The following ZNF264 variants were observed in gnomAD, a reference collection of about 807,000 sequenced individuals.
ZNF264 encodes the protein zinc finger protein 264.
ZNF264 carries 11 observed loss-of-function variants against 11.2 expected under a neutral mutation model. The observed-to-expected ratio is 0.98, with a 90% CI of 0.62 to 1.63. The LOEUF is 1.63. ZNF264 is among the 40% of genes most tolerant of loss of function. ZNF264 has a pLI of 0.00. For synonymous variants in ZNF264, 309 were observed against 279.8 expected (o/e 1.10, Z -1.04); for missense variants, 752 against 768.1 (o/e 0.98, Z 0.25).
rs550340780 is a variant in ZNF264, at chr19:57,217,054, A to T, written c.*4073A>T. On this transcript the variant is annotated 3_prime_UTR_variant, in exon 4 of 4. Transcript: ENST00000263095. ...TGCCTTCAGAATGCTCAGAAAATTT[A>T]CATTAGCCTGCAGTTGGGCAAAATC... 1 of 152,326 alleles carries T rather than the reference A, an allele frequency of 6.6e-6. No homozygotes were observed. The highest frequency in any genetic ancestry group is 2.1e-4 in the South Asian group (1 of 4,830). The allele number at this position is 152,326 out of a possible 1,614,324, so 9.4% of individuals were successfully genotyped here.
intron 3 of ZNF264, among the ~76,000 whole-genome samples, chr19:57,209,558 C>G (rs768515636): frequency 6.6e-6 from 1 of 152,000 alleles, no homozygotes; most frequent in African/African-American, 2.4e-5. Context: ...TTTTCTTCAT[C>G]TTGATCATGT....
rs2087362569 is a variant in ZNF264 at position 57,214,171 on chromosome 19, T to C, written c.*1190T>C. ...TCTATATAGAAATGTCATCTGCAAATACAGACCATTTTTTATCTTTCATCT... is the reference window on the plus strand; with the variant it reads ...TCTATATAGAAATGTCATCTGCAAACACAGACCATTTTTTATCTTTCATCT... On this transcript the variant is annotated 3_prime_UTR_variant, in exon 4 of 4. Coordinates refer to ENST00000263095, the MANE Select transcript of ZNF264 (RefSeq NM_003417.5). 6.6e-6 allele frequency: 1 copy of C among 152,230 alleles called. No homozygotes were observed. Among genetic ancestry groups the C allele is most frequent in the African/African-American group, 2.4e-5 (1 of 41,452 alleles). The allele number at this position is 152,230 out of a possible 1,614,324, so 9.4% of individuals were successfully genotyped here.
Position 57,205,482 on chromosome 19 carries a change from C to T in ZNF264, c.246C>T (p.Asp82=), listed in dbSNP as rs970290628. 1 of 1,609,928 alleles carries T rather than the reference C, an allele frequency of 6.2e-7. No homozygotes were observed. The highest frequency in any genetic ancestry group is 1.1e-5 in the South Asian group (1 of 89,850). The change falls in exon 3 of 4, where the codon GAC becomes GAT. Residue 82 remains aspartate, a synonymous_variant. Transcript: ENST00000263095. ...CCAGGAAGGAAGACCTCTCCCAAGACACCTGTCCAGGTAGGAGCCAAGATC... is the reference window on the plus strand; with the variant it reads ...CCAGGAAGGAAGACCTCTCCCAAGATACCTGTCCAGGTAGGAGCCAAGATC... ...PWTRKEDLSQ[D]TCPGDKGKPK...
At position 57,212,473 on chromosome 19, in the gene ZNF264, A is replaced by G; in HGVS notation, c.1376A>G (p.Glu459Gly). The change falls in exon 4 of 4, where the codon GAG becomes GGG. Residue 459 changes from glutamate (E) to glycine (G), a missense_variant. Physicochemically the swap from Glu to Gly is moderately conservative, Grantham distance 98 (BLOSUM62 -2). Transcript: ENST00000263095. ...HTGEKPFECK[E>G]CGKAFSNRKD... ...GGAGAAAAGCCTTTCGAGTGCAAAG[A>G]GTGTGGGAAAGCCTTTAGCAATCGG... is the stretch of plus-strand genomic sequence containing the variant. 6.2e-7 allele frequency: 1 copy of G among 1,614,040 alleles called. No individual in the cohort carries two copies. Among genetic ancestry groups the G allele is most frequent in the Non-Finnish European group, 8.5e-7 (1 of 1,180,022 alleles).
At position 57,212,344 on chromosome 19, in the gene ZNF264, G is replaced by A. The variant is rs760815735; in HGVS notation, c.1247G>A (p.Arg416Lys). 5.6e-6 allele frequency: 9 copies of A among 1,608,280 alleles called. No homozygotes were observed. Among genetic ancestry groups the A allele is most frequent in the Admixed American group, 3.4e-5 (2 of 59,422 alleles). The change falls in exon 4 of 4, where the codon AGG becomes AAG. Residue 416 changes from arginine to lysine, a missense_variant. Physicochemically the swap from Arg to Lys is conservative, Grantham distance 26. Coordinates refer to ENST00000263095, the MANE Select transcript of ZNF264 (RefSeq NM_003417.5). ...KAFNHRSYLK[R>K]HQRIHTGEKP... is the part of the protein sequence containing the mutation. ...TTCAACCACCGATCCTACCTCAAGA[G>A]GCACCAGCGGATTCACACTGGGGAG... is the stretch of plus-strand genomic sequence containing the variant.
chr19:57,211,638 A>T lies in ZNF264; in HGVS notation c.541A>T (p.Arg181Ter), dbSNP rs200878596. Residue 181 changes from arginine to a stop codon, truncating the protein, a stop_gained, in exon 4 of 4, where the codon AGA (arginine) becomes TGA (stop). Transcript: ENST00000263095. LOFTEE classifies it low-confidence loss of function (END_TRUNC). ...ACAGGAGCAAGTCTCTCCAGGAGAT[A>T]GAGTCCGTAGCCATAACTCATGTGA... ...IGQEQVSPGD[R>*]VRSHNSCESG... The T allele has an allele frequency of 1.3e-5, 21 of 1,614,070 alleles. No homozygotes were observed. Among genetic ancestry groups the T allele is most frequent in the Non-Finnish European group, 1.7e-6 (2 of 1,180,038 alleles).
In ZNF264 at chr19:57,197,270, C is replaced by A. The variant is rs998539006; in HGVS notation, c.160+3269C>A. Among the ~76,000 whole-genome samples, 16 of 151,812 alleles carry A rather than the reference C, an allele frequency of 1.1e-4. 1 individual carries two copies. The highest frequency in any genetic ancestry group is 3.6e-4 in the African/African-American group (15 of 41,138). ...ACCACTTTCATCTGATGATGGAATG[C>A]TGCTGTGCGTGACCCACTTGATGGC... On this transcript the variant is annotated intron_variant, in intron 2 of 3. Coordinates refer to ENST00000263095, the MANE Select transcript of ZNF264 (RefSeq NM_003417.5).
intron 1 of ZNF264, 25 bp from the exon 2 acceptor site, chr19:57,193,849 AC>A (rs759397487): frequency 6.2e-7 from 1 of 1,612,788 alleles, no homozygotes; most frequent in South Asian, 1.1e-5. Flanking sequence ...AAAGGCCAAT[AC>A]TACTAATTCT....
In ZNF264 at chr19:57,205,442, G is replaced by T. The variant is rs200020176; in HGVS notation, c.206G>T (p.Gly69Val). ...KAELICHLEH[G>V]QEPWTRKEDL... ...GAGCTGATCTGCCACCTAGAGCATG[G>T]GCAGGAGCCATGGACCAGGAAGGAA... is the stretch of plus-strand genomic sequence containing the variant. Residue 69 changes from glycine (G) to valine (V), a missense_variant, in exon 3 of 4, where the codon GGG becomes GTG. Physicochemically the swap from Gly to Val is moderately radical, Grantham distance 109. Coordinates refer to ENST00000263095, the MANE Select transcript of ZNF264 (RefSeq NM_003417.5). 2 of 1,604,962 alleles carry T rather than the reference G, an allele frequency of 1.2e-6. No homozygotes were observed. The highest frequency in any genetic ancestry group is 1.1e-5 in the South Asian group (1 of 89,904).
At chr19:57,198,433 T>C (rs991539737) in intron 2 of ZNF264, among the ~76,000 whole-genome samples, 1 of 151,936 alleles carries the variant, frequency 6.6e-6, no homozygotes, top group African/African-American at 2.4e-5. Flanking sequence ...TTTACTATTT[T>C]TCTAGGTAGA....
At position 57,212,376 on chromosome 19, in the gene ZNF264, T is replaced by G; in HGVS notation, c.1279T>G (p.Phe427Val). 1 of 1,614,066 alleles carries G rather than the reference T, an allele frequency of 6.2e-7. No individual in the cohort carries two copies. Among genetic ancestry groups the G allele is most frequent in the Non-Finnish European group, 8.5e-7 (1 of 1,180,018 alleles). ...GCGGATTCACACTGGGGAGAAGCCC[T>G]TCGTGTGCAGTGAATGTGGAAAGGC... ...HQRIHTGEKP[F>V]VCSECGKAFT... The change falls in exon 4 of 4, where the codon TTC becomes GTC. Residue 427 changes from phenylalanine to valine, a missense_variant. By Grantham distance (50) the Phe-to-Val change is conservative. Coordinates refer to ENST00000263095, the MANE Select transcript of ZNF264 (RefSeq NM_003417.5).
At chr19:57,206,252 T>A (rs1327696728) in intron 3 of ZNF264, among the ~76,000 whole-genome samples, 1 of 150,798 alleles carries the variant, frequency 6.6e-6, no homozygotes, top group African/African-American at 2.4e-5. Context: ...TTAGAAATCT[T>A]TTTTTTTTTG....
chr19:57,209,861 G>A (rs1179435656), intron 3 of ZNF264, among the ~76,000 whole-genome samples: 1 of 152,000 alleles, frequency 6.6e-6, no homozygotes, highest in Non-Finnish European at 1.5e-5. Flanking sequence ...GCCTCCCAAA[G>A]CACTAGGATT....
chr19:57,206,329 C>A lies in ZNF264; in HGVS notation c.256+837C>A, dbSNP rs746753988. ...CACAGTCTCGGCTCACTGCAAGCTC[C>A]GCCTCCCGGGTTCACGCCATTCTCC... is the stretch of plus-strand genomic sequence containing the variant. On this transcript the variant is annotated intron_variant, in intron 3 of 3. Transcript: ENST00000263095. 1.2e-3 allele frequency among the ~76,000 whole-genome samples: 188 copies of A among 152,192 alleles called. 1 individual carries two copies. The highest frequency in any genetic ancestry group is 2.1e-3 in the Non-Finnish European group (141 of 67,994).
intron 2 of ZNF264, among the ~76,000 whole-genome samples, chr19:57,204,204 C>T (rs963273490): frequency 5.0e-5 from 7 of 140,116 alleles, no homozygotes; most frequent in Admixed American, 3.8e-4. Context: ...GGCGACAGAG[C>T]GAGACTCCGT....
intron 2 of ZNF264, 34 bp from the exon 3 acceptor site, chr19:57,205,363 C>T (rs1014188220): frequency 1.3e-6 from 2 of 1,574,246 alleles, no homozygotes; most frequent in Admixed American, 1.8e-5. Context: ...TTTTCACCCA[C>T]ATCCATGTGT....
intron 2 of ZNF264, 104 bp downstream of exon 2, chr19:57,194,105 C>A: frequency 6.8e-7 from 1 of 1,469,298 alleles, no homozygotes; most frequent in Non-Finnish European, 9.1e-7. Context: ...TAGAATCTAC[C>A]TTGCCTCTTT....
In ZNF264 at chr19:57,214,401, T is replaced by C. The variant is rs1350736839; in HGVS notation, c.*1420T>C. The C allele has an allele frequency of 1.3e-5, 2 of 152,578 alleles. No homozygotes were observed. The highest frequency in any genetic ancestry group is 2.1e-4 in the South Asian group (1 of 4,822). The allele number at this position is 152,578 out of a possible 1,614,324, so 9.5% of individuals were successfully genotyped here. A position where few individuals can be genotyped will look rare whatever the true frequency, so the allele number is the denominator to read the frequency against. On this transcript the variant is annotated 3_prime_UTR_variant, in exon 4 of 4. Transcript: ENST00000263095. Reference sequence around the variant, plus strand: ...CTCTGTCACCCAGGCTGGAGTGCAGTGGCACGATCTTGTCTCACCATAGCC... The same window carrying C: ...CTCTGTCACCCAGGCTGGAGTGCAGCGGCACGATCTTGTCTCACCATAGCC...
intron 1 of ZNF264, 98 bp downstream of exon 1, chr19:57,192,044 G>T: frequency 8.4e-7 from 1 of 1,184,560 alleles, no homozygotes. Flanking sequence ...ATTTGTCTTC[G>T]CAGTCGTCGT....
Sources: allele counts gnomAD v4.1 joint callset (sites outside exome capture counted in the v4.1 genomes callset), GRCh38; gene constraint gnomAD v4.1.1; transcripts MANE v1.5; gene names NCBI Gene and HGNC (gene_info 2026-07-23, HGNC 2026-07-21).